CYBA: variants seen among roughly 807,000 people sequenced by gnomAD.
CYBA encodes the protein cytochrome b-245 alpha chain.
In CYBA, 21 loss-of-function variants were observed where a neutral mutation model predicts 20.8. The observed-to-expected ratio is 1.01, with a 90% CI of 0.72 to 1.46. The LOEUF (loss-of-function observed/expected upper bound fraction) is 1.46. CYBA is among the 40% of genes most tolerant of loss of function. The pLI is 0.00. For synonymous variants in CYBA, 164 were observed against 127.5 expected (o/e 1.29, Z -1.93); for missense variants, 344 against 287.0 (o/e 1.20, Z -1.43).
At chr16:88,644,008 G>T (rs1165117370) in intron 5 of CYBA, among the ~76,000 whole-genome samples, 1 of 152,194 alleles carries the variant, frequency 6.6e-6, no homozygotes, top group African/African-American at 2.4e-5. Context: ...GCCCCCCAAG[G>T]GTGCCCAGGC....
chr16:88,648,580 C>T (rs552318093), intron 1 of CYBA, among the ~76,000 whole-genome samples: 1 of 151,674 alleles, frequency 6.6e-6, no homozygotes, highest in Admixed American at 6.6e-5. Context: ...GCTATTTCTG[C>T]ACATTTTTGG....
intron 1 of CYBA, among the ~76,000 whole-genome samples, chr16:88,649,681 C>T (rs955144178): frequency 4.6e-5 from 7 of 152,314 alleles, no homozygotes; most frequent in South Asian, 4.1e-4. Context: ...CCCTGGGGCA[C>T]GCTCAGGAGA....
At chr16:88,647,267 C>T in intron 2 of CYBA, 92 bp from the exon 3 acceptor site, 1 of 1,237,698 alleles carries the variant, frequency 8.1e-7, no homozygotes, top group Non-Finnish European at 1.2e-6. Flanking sequence ...GGGGCCCGAG[C>T]ACGGTGGCTC....
chr16:88,646,523 A>G (rs1306008610), intron 4 of CYBA: 4 of 699,428 alleles, frequency 5.7e-6, no homozygotes, highest in Non-Finnish European at 1.0e-5. Context: ...TGCTGACCCC[A>G]GACCCTGGCG....
In CYBA at chr16:88,648,071, G is replaced by T. The variant is rs1277646913; in HGVS notation, c.102C>A (p.Thr34=). Residue 34 remains threonine (T), a synonymous_variant, in exon 2 of 6, where the codon ACC becomes ACA. Transcript: ENST00000261623. ...TGGAGTAGGCACCAAAGTACCACTG[G>T]GTGAAGCGCCCAGCTGTGGCCACGA... is the stretch of plus-strand genomic sequence containing the variant. ...GGIVATAGRF[T]QWYFGAYSIV... is the part of the protein sequence containing the mutation. 8 of 1,613,130 alleles carry T rather than the reference G, an allele frequency of 5.0e-6. No individual in the cohort carries two copies.
intron 5 of CYBA, chr16:88,645,730 T>G: frequency 1.9e-6 from 1 of 536,776 alleles, no homozygotes. Flanking sequence ...TCAGCGCGAA[T>G]AGGGTTTAGG....
chr16:88,646,740 G>C lies in CYBA; in HGVS notation c.287+15C>G, dbSNP rs530322915. 1.2e-6 allele frequency: 2 copies of C among 1,610,450 alleles called. No individual in the cohort carries two copies. Among genetic ancestry groups the C allele is most frequent in the Non-Finnish European group, 1.7e-6 (2 of 1,176,994 alleles). ...CCCTCCTGAGCCCTAGAGGGGGTGCGGGACGGGGACTCACAGGAGATGCAG... is the reference window on the plus strand; with the variant it reads ...CCCTCCTGAGCCCTAGAGGGGGTGCCGGACGGGGACTCACAGGAGATGCAG... On this transcript the variant is annotated intron_variant, in intron 4 of 5. Coordinates refer to ENST00000261623, the MANE Select transcript of CYBA (RefSeq NM_000101.4).
chr16:88,648,120 G>A lies in CYBA; in HGVS notation c.59-6C>T, dbSNP rs1475007304. 1 of 1,609,372 alleles carries A rather than the reference G, an allele frequency of 6.2e-7. No homozygotes were observed. Among genetic ancestry groups the A allele is most frequent in the Non-Finnish European group, 8.5e-7 (1 of 1,178,906 alleles). On this transcript the variant is annotated splice_polypyrimidine_tract_variant and splice_region_variant and intron_variant, in intron 1 of 5. Transcript: ENST00000261623. ...GATGCCCCCGGTGATGAGGACTGCG[G>A]GGAGAAGTGGGTCAGGCACTGTGGG... is the stretch of plus-strand genomic sequence containing the variant.
chr16:88,649,066 T>C (rs1299116641), intron 1 of CYBA, among the ~76,000 whole-genome samples: 4 of 151,516 alleles, frequency 2.6e-5, no homozygotes, highest in Admixed American at 6.6e-5. Context: ...GCCTCCCGAG[T>C]AGCTGGGACT....
intron 1 of CYBA, among the ~76,000 whole-genome samples, chr16:88,649,127 C>CA (rs1208890851): frequency 6.0e-5 from 9 of 150,784 alleles, no homozygotes; most frequent in African/African-American, 9.8e-5. Context: ...TTAGTAGAGA[C>CA]GGGGTTTCAC....
chr16:88,650,467 C>T (rs548576748), intron 1 of CYBA: 1 of 461,346 alleles, frequency 2.2e-6, no homozygotes, highest in African/African-American at 2.0e-5. Flanking sequence ...CCGCCTCCAG[C>T]GCAGACTCCA....
At chr16:88,648,269 C>T (rs890775916) in intron 1 of CYBA, among the ~76,000 whole-genome samples, 155 bp from the exon 2 acceptor site, 1 of 152,210 alleles carries the variant, frequency 6.6e-6, no homozygotes, top group African/African-American at 2.4e-5. Flanking sequence ...CCCCAGGAGG[C>T]ACCCCTCTGC....
At position 88,643,473 on chromosome 16, in the gene CYBA, CG is replaced by C; in HGVS notation, c.467del (p.Pro156ArgfsTer35). 7.2e-6 allele frequency: 11 copies of C among 1,532,404 alleles called. No individual in the cohort carries two copies. Among genetic ancestry groups the C allele is most frequent in the Non-Finnish European group, 8.7e-6 (10 of 1,144,408 alleles). 94.9% of individuals were successfully genotyped at this position (1,532,404 alleles called of 1,614,324 possible). ...GTIKQPPSNP[P>X]PRPPAEARKK... ...TGCGGGCCTCGGCCGGGGGCCGCGG[CG>C]GGGGGTTGCTGGGCGGCTGCTTGAT... On this transcript the variant is annotated frameshift_variant, in exon 6 of 6. Transcript: ENST00000261623. The surrounding 1 kb of genome is among the most constrained non-coding windows in gnomAD (Gnocchi z 4.3).
intron 1 of CYBA, 99 bp downstream of exon 1, chr16:88,650,857 C>T (rs377621096): frequency 4.5e-6 from 6 of 1,335,000 alleles, no homozygotes; most frequent in Middle Eastern, 1.8e-4. Flanking sequence ...GCCCGCCTGG[C>T]GCCCCACTTC....
At chr16:88,650,775 C>T in intron 1 of CYBA, 181 bp downstream of exon 1, 1 of 662,208 alleles carries the variant, frequency 1.5e-6, no homozygotes, top group Non-Finnish European at 2.7e-6. Flanking sequence ...CAGAACTCCT[C>T]CTTCCAGCCC....
chr16:88,648,625 T>G (rs1011256800), intron 1 of CYBA, among the ~76,000 whole-genome samples: 38 of 151,868 alleles, frequency 2.5e-4, no homozygotes, highest in Admixed American at 2.3e-3. Context: ...TTACTGTTTT[T>G]TTTTTTTTTC....
intron 5 of CYBA, chr16:88,645,082 G>T: frequency 1.5e-6 from 1 of 672,652 alleles, no homozygotes; most frequent in Non-Finnish European, 2.7e-6. Flanking sequence ...CCGGCAGGGT[G>T]AACGGTGCAG....
At position 88,648,175 on chromosome 16, in the gene CYBA, C is replaced by A. The variant is rs558349758; in HGVS notation, c.59-61G>T. ...CCGTCCCGGGGGCCTGGGCCACCCC[C>A]CTTCTCTACCTACTGTGGGCCACCA... is the stretch of plus-strand genomic sequence containing the variant. On this transcript the variant is annotated intron_variant, in intron 1 of 5. Transcript: ENST00000261623. The A allele has an allele frequency of 2.7e-6, 4 of 1,503,212 alleles. No homozygotes were observed. The South Asian group carries it at 3.6e-5, about 13-fold the overall frequency. 93.1% of individuals were successfully genotyped at this position (1,503,212 alleles called of 1,614,324 possible).
chr16:88,645,763 C>T (rs1907253415), intron 5 of CYBA: 2 of 533,606 alleles, frequency 3.7e-6, no homozygotes, highest in Admixed American at 3.2e-5. Context: ...GATAATGGGA[C>T]CCAAGCGCAG....
Sources: allele counts gnomAD v4.1 joint callset (sites outside exome capture counted in the v4.1 genomes callset), GRCh38; gene constraint gnomAD v4.1.1; non-coding constraint Gnocchi (gnomAD v3.1); transcripts MANE v1.5; gene names NCBI Gene and HGNC (gene_info 2026-07-23, HGNC 2026-07-21).